The following PBX4 variants were observed in gnomAD, a reference collection of about 807,000 sequenced individuals.
PBX4 encodes PBX homeobox 4.
In PBX4, 26 loss-of-function variants were observed where a neutral mutation model predicts 35.1. The ratio of observed to expected loss-of-function variants is 0.74; its 90% CI spans 0.54 to 1.03. The LOEUF (loss-of-function observed/expected upper bound fraction) is 1.03. Ranked by LOEUF, PBX4 falls within the 50% of genes least tolerant of loss-of-function variation. The probability of loss-of-function intolerance (pLI) is 0.00; values close to 1 mark genes in which losing one functional copy is unlikely to be tolerated. For missense variants in PBX4, 448 were observed against 504.3 expected (o/e 0.89, Z 1.07); for synonymous variants, 199 against 204.2 (o/e 0.97, Z 0.22).
chr19:19,586,682 C>T (rs1221669089), intron 2 of PBX4, among the ~76,000 whole-genome samples: 1 of 151,862 alleles, frequency 6.6e-6, no homozygotes, highest in Non-Finnish European at 1.5e-5. Context: ...ATGATGGCTC[C>T]TGCCTGTAAT....
At chr19:19,564,150 A>G (rs1382468955) in intron 6 of PBX4, among the ~76,000 whole-genome samples, 1 of 64,586 alleles carries the variant, frequency 1.5e-5, no homozygotes, top group South Asian at 6.3e-4. Flanking sequence ...CCCTCCCCCC[A>G]CCCCACAACA....
At chr19:19,589,181 C>A (rs2061510063) in intron 2 of PBX4, among the ~76,000 whole-genome samples, 2 of 152,130 alleles carry the variant, frequency 1.3e-5, no homozygotes, top group South Asian at 4.1e-4. Flanking sequence ...ATAGTCCCAG[C>A]ACGTTGAGAG....
intron 2 of PBX4, among the ~76,000 whole-genome samples, chr19:19,576,606 A>C (rs2061420994): frequency 6.6e-6 from 1 of 152,036 alleles, no homozygotes; most frequent in Non-Finnish European, 1.5e-5. Context: ...GTACCACACT[A>C]AGTGTTGAGG....
intron 3 of PBX4, 69 bp from the exon 4 acceptor site, chr19:19,570,368 C>A: frequency 6.6e-7 from 1 of 1,512,696 alleles, no homozygotes; most frequent in Non-Finnish European, 8.9e-7. Context: ...GCAGGTTCCA[C>A]AGCGGAGCAG....
rs1490795883 is a variant in PBX4, at chr19:19,616,389, G to A, written c.119+2122C>T. 3.9e-5 allele frequency among the ~76,000 whole-genome samples: 6 copies of A among 151,994 alleles called. No homozygotes were observed. In the East Asian group the frequency reaches 5.8e-4, roughly 15 times the overall value. ...GTCGCCCAGGTTGGAATGCAGTGGC[G>A]CTTGAACCCAGGCACCTCCTGGATT... is the stretch of plus-strand genomic sequence containing the variant. On this transcript the variant is annotated intron_variant, in intron 1 of 7. Transcript: ENST00000251203.
intron 1 of PBX4, among the ~76,000 whole-genome samples, chr19:19,609,129 T>G (rs2061648037): frequency 6.6e-6 from 1 of 151,864 alleles, no homozygotes; most frequent in East Asian, 1.9e-4. Context: ...TTTAAGTGAG[T>G]TTTGTAGGAT....
Position 19,570,803 on chromosome 19 carries a change from T to A in PBX4, c.224A>T (p.Asp75Val), listed in dbSNP as rs144094318. ...VVSIRGIQDE[D>V]PPDAQLLRLD... ...CCTCAGGAGCTGGGCGTCAGGGGGA[T>A]CTTCGTCTTGAATGCCACGGATGCT... The change falls in exon 3 of 8, where the codon GAT becomes GTT. Residue 75 changes from aspartate to valine, a missense_variant. Coordinates refer to ENST00000251203, the MANE Select transcript of PBX4 (RefSeq NM_025245.3). The A allele has an allele frequency of 5.6e-6, 9 of 1,613,948 alleles. No individual in the cohort carries two copies. The African/African-American group carries it at 9.3e-5, about 17-fold the overall frequency.
intron 2 of PBX4, among the ~76,000 whole-genome samples, chr19:19,580,424 A>G (rs1376792444): frequency 1.3e-5 from 2 of 152,138 alleles, no homozygotes; most frequent in African/African-American, 2.4e-5. Context: ...CCTCCTGACC[A>G]GTGACCCTTA....
chr19:19,581,759 G>A (rs529068629), intron 2 of PBX4, among the ~76,000 whole-genome samples: 3 of 152,308 alleles, frequency 2.0e-5, no homozygotes, highest in Admixed American at 6.5e-5. Context: ...GGAAGGCTGC[G>A]GGAACCCAGG....
At position 19,572,226 on chromosome 19, in the gene PBX4, C is replaced by T. The variant is rs79538960; in HGVS notation, c.194-1393G>A. On this transcript the variant is annotated intron_variant, in intron 2 of 7. Coordinates refer to ENST00000251203, the MANE Select transcript of PBX4 (RefSeq NM_025245.3). ...AGTAGCTGGGACTACACATGCGTGCCGCCATGCCTGGCTAATTTTTGTATT... is the reference window on the plus strand; with the variant it reads ...AGTAGCTGGGACTACACATGCGTGCTGCCATGCCTGGCTAATTTTTGTATT... 1.1e-3 allele frequency among the ~76,000 whole-genome samples: 160 copies of T among 151,368 alleles called. 6 individuals are homozygous for T. The East Asian group carries it at 0.03, about 28-fold the overall frequency.
chr19:19,617,114 C>T (rs1029055577), intron 1 of PBX4, among the ~76,000 whole-genome samples: 3 of 152,188 alleles, frequency 2.0e-5, no homozygotes, highest in African/African-American at 7.2e-5. Flanking sequence ...AGATGTTCTT[C>T]TCCACCTGGC....
At chr19:19,591,380 G>A (rs1181399927) in intron 2 of PBX4, among the ~76,000 whole-genome samples, 1 of 152,204 alleles carries the variant, frequency 6.6e-6, no homozygotes, top group Non-Finnish European at 1.5e-5. Flanking sequence ...AATGAGAATG[G>A]CTTATGCCTG....
intron 1 of PBX4, among the ~76,000 whole-genome samples, chr19:19,606,114 C>T (rs2061629704): frequency 6.6e-6 from 1 of 152,168 alleles, no homozygotes; most frequent in Non-Finnish European, 1.5e-5. Flanking sequence ...AAGGTAACCC[C>T]CAGTGAGTCA....
intron 2 of PBX4, among the ~76,000 whole-genome samples, chr19:19,574,083 C>T (rs2061404179): frequency 6.6e-6 from 1 of 151,832 alleles, no homozygotes; most frequent in South Asian, 2.1e-4. Flanking sequence ...CACCATGTTG[C>T]CCAGGCTAGT....
intron 1 of PBX4, among the ~76,000 whole-genome samples, chr19:19,614,557 C>T (rs1161970621): frequency 6.6e-6 from 1 of 151,614 alleles, no homozygotes; most frequent in Non-Finnish European, 1.5e-5. Flanking sequence ...ATCACTTGAA[C>T]CCGGGAGGCG....
intron 1 of PBX4, among the ~76,000 whole-genome samples, chr19:19,613,325 G>A (rs533739618): frequency 7.3e-5 from 11 of 151,402 alleles, no homozygotes; most frequent in Non-Finnish European, 1.5e-4. Flanking sequence ...AAAATTAGCC[G>A]GGCGTGGTGG....
intron 2 of PBX4, among the ~76,000 whole-genome samples, chr19:19,579,565 C>T (rs1003610690): frequency 6.6e-5 from 10 of 152,220 alleles, no homozygotes; most frequent in Non-Finnish European, 1.5e-4. Flanking sequence ...GCGGGCTGTG[C>T]TCCCGCCTCC....
At chr19:19,565,221 G>A (rs1331663840) in intron 5 of PBX4, 132 bp from the exon 6 acceptor site, 5 of 1,147,298 alleles carry the variant, frequency 4.4e-6, no homozygotes, top group Non-Finnish European at 5.1e-6. Flanking sequence ...GGGCTATGAA[G>A]AGTCTGGGAC....
At position 19,562,996 on chromosome 19, in the gene PBX4, GCAGTGCCCTGGCA is replaced by G. The variant is rs1451057252; in HGVS notation, c.1032+500_1032+512del. 5.9e-5 allele frequency among the ~76,000 whole-genome samples: 9 copies of G among 152,142 alleles called. No individual in the cohort carries two copies. Among genetic ancestry groups the G allele is most frequent in the Admixed American group, 5.9e-4 (9 of 15,276 alleles). On this transcript the variant is annotated intron_variant, in intron 7 of 7. Coordinates refer to ENST00000251203, the MANE Select transcript of PBX4 (RefSeq NM_025245.3). The surrounding 1 kb of genome is among the most constrained non-coding windows in gnomAD (Gnocchi z 4.8). Reference sequence around the variant, plus strand: ...TGAGTTGGGAGGGGCACCCGGCTCTGCAGTGCCCTGGCACACACCACACACACAGCCTCGTGCC... The same window carrying G: ...TGAGTTGGGAGGGGCACCCGGCTCTGCACACCACACACACAGCCTCGTGCC...
Sources: gnomAD v4.1 joint callset for allele counts (sites outside exome capture counted in the v4.1 genomes callset) on GRCh38, gnomAD v4.1.1 for gene constraint, Gnocchi (gnomAD v3.1) non-coding constraint, MANE v1.5 for transcripts, NCBI Gene and HGNC (gene_info 2026-07-23, HGNC 2026-07-21) for gene names.